VPS13A: variants seen among roughly 807,000 people sequenced by gnomAD.
VPS13A encodes intermembrane lipid transfer protein VPS13A.
A neutral mutation model predicts 390.9 loss-of-function variants in VPS13A; 264 were observed. The observed-to-expected ratio is 0.68, with a 90% CI of 0.61 to 0.75. The LOEUF (loss-of-function observed/expected upper bound fraction) is 0.75, where lower values mean the gene tolerates loss of function less well. Among genes scored for constraint, VPS13A ranks in the 30% least tolerant of loss-of-function variants. The pLI is 0.00. For synonymous variants in VPS13A, 1,231 were observed against 1,227.1 expected, an observed-to-expected ratio of 1.00 and a Z score of -0.07; for missense variants, 3,409 against 3,733.9, an observed-to-expected ratio of 0.91 and a Z score of 2.27.
chr9:77,231,201 G>T (rs574454514), intron 17 of VPS13A, among the ~76,000 whole-genome samples: 5 of 151,984 alleles, frequency 3.3e-5, no homozygotes, highest in East Asian at 1.9e-4. Context: ...CTTCCATTCC[G>T]ATGTGGATGC....
intron 31 of VPS13A, among the ~76,000 whole-genome samples, chr9:77,286,034 G>T (rs1827302943): frequency 6.6e-6 from 1 of 152,146 alleles, no homozygotes; most frequent in African/African-American, 2.4e-5. Flanking sequence ...TGAGATTCAG[G>T]GTTTGGGAGT....
intron 23 of VPS13A, among the ~76,000 whole-genome samples, chr9:77,268,804 G>C (rs562579139): frequency 7.9e-5 from 12 of 152,056 alleles, no homozygotes; most frequent in Admixed American, 6.5e-4. Flanking sequence ...GCCAGGCATG[G>C]TGGTGGGCAT....
chr9:77,317,215 G>T (rs1339315826), intron 39 of VPS13A, among the ~76,000 whole-genome samples: 6 of 152,000 alleles, frequency 3.9e-5, no homozygotes, highest in Non-Finnish European at 7.4e-5. Flanking sequence ...ACTAAGCAAA[G>T]AGAGAGAATA....
At chr9:77,320,531 T>A (rs182624254) in intron 42 of VPS13A, among the ~76,000 whole-genome samples, 93 of 152,218 alleles carry the variant, frequency 6.1e-4, no homozygotes, top group African/African-American at 2.2e-3. Context: ...AGACAGATTT[T>A]CAGTGGCTTA....
At chr9:77,399,788 TTGA>T (rs1366308557) in intron 68 of VPS13A, among the ~76,000 whole-genome samples, 1 of 152,174 alleles carries the variant, frequency 6.6e-6, no homozygotes, top group African/African-American at 2.4e-5. Flanking sequence ...TGTTAATAGA[TTGA>T]TGTGTACCTT....
chr9:77,353,568 G>A lies in VPS13A; in HGVS notation c.7579G>A (p.Ala2527Thr). 2 of 1,613,424 alleles carry A rather than the reference G, an allele frequency of 1.2e-6. No homozygotes were observed. Among genetic ancestry groups the A allele is most frequent in the Non-Finnish European group, 1.7e-6 (2 of 1,179,608 alleles). ...GTTAGCAGAGCAAGAAATTGCAGTG[G>A]CATTACAAGATGTTGGAATTTCTCT... ...AELAEQEIAV[A>T]LQDVGISLVN... Residue 2527 changes from alanine to threonine, a missense_variant, in exon 54 of 72, where the codon GCA becomes ACA. This residue lies in a region of VPS13A where 221 missense variants were observed against 300.7 expected (regional missense o/e 0.73). Transcript: ENST00000360280.
In VPS13A at chr9:77,227,392, T is replaced by C. The variant is rs2131198111; in HGVS notation, c.1359T>C (p.Thr453=). The C allele has an allele frequency of 6.2e-7, 1 of 1,610,948 alleles. No individual in the cohort carries two copies. Among genetic ancestry groups the C allele is most frequent in the Non-Finnish European group, 8.5e-7 (1 of 1,177,618 alleles). ...NEQQPDVQPE[T]LEEMLTPEEK... is the part of the protein sequence containing the mutation. ...AAAGCACTTCTTTCTGATTTGTAGCTCTTGAAGAAATGTTGACACCTGAAG... is the reference window on the plus strand; with the variant it reads ...AAAGCACTTCTTTCTGATTTGTAGCCCTTGAAGAAATGTTGACACCTGAAG... Residue 453 remains threonine, a splice_region_variant and synonymous_variant, in exon 16 of 72, where the codon ACT becomes ACC. Transcript: ENST00000360280.
intron 53 of VPS13A, 42 bp downstream of exon 53, chr9:77,351,488 A>T: frequency 6.2e-7 from 1 of 1,604,330 alleles, no homozygotes; most frequent in Non-Finnish European, 8.5e-7. Flanking sequence ...AGCCTTTTTT[A>T]AAAAAGGTAT....
chr9:77,247,880 AAT>A (rs1380988728), intron 20 of VPS13A, among the ~76,000 whole-genome samples: 1 of 152,142 alleles, frequency 6.6e-6, no homozygotes, highest in African/African-American at 2.4e-5. Flanking sequence ...ACTGGTCTCG[AAT>A]GCCTGTACTG....
At chr9:77,341,266 C>T (rs1202844494) in intron 50 of VPS13A, among the ~76,000 whole-genome samples, 1 of 151,964 alleles carries the variant, frequency 6.6e-6, no homozygotes. Flanking sequence ...CAGGGGGCAA[C>T]GGCAACCCCC....
Position 77,226,583 on chromosome 9 carries a change from G to C in VPS13A, c.1342G>C (p.Asp448His), listed in dbSNP as rs144858653. ...ACAAAATACTAATGAACAGCAACCAGATGTTCAACCTGAAAGTATGTCCAT... is the reference window on the plus strand; with the variant it reads ...ACAAAATACTAATGAACAGCAACCACATGTTCAACCTGAAAGTATGTCCAT... The part of the protein sequence containing the change: ...SEQNTNEQQP[D>H]VQPETLEEML... Residue 448 changes from aspartate to histidine, a missense_variant, in exon 15 of 72, where the codon GAT (aspartate) becomes CAT (histidine). Physicochemically the swap from Asp to His is moderately conservative, Grantham distance 81. Transcript: ENST00000360280. The C allele has an allele frequency of 6.4e-5, 103 of 1,612,412 alleles. No individual in the cohort carries two copies. Among genetic ancestry groups the C allele is most frequent in the Middle Eastern group, 1.6e-4 (1 of 6,066 alleles).
chr9:77,235,776 C>G (rs56385111), intron 17 of VPS13A, among the ~76,000 whole-genome samples: 12,110 of 152,156 alleles, frequency 0.08, 602 homozygotes, highest in East Asian at 0.12. Flanking sequence ...GTCCTGTATT[C>G]AAGTTTGATG....
chr9:77,346,799 A>G (rs1018443948), intron 52 of VPS13A, among the ~76,000 whole-genome samples: 6 of 152,202 alleles, frequency 3.9e-5, no homozygotes, highest in African/African-American at 1.4e-4. Flanking sequence ...CAGAAAGAAG[A>G]CTGGACAAAA....
chr9:77,220,446 C>A, intron 12 of VPS13A, 63 bp downstream of exon 12: 2 of 1,129,582 alleles, frequency 1.8e-6, no homozygotes, highest in South Asian at 1.4e-5. Flanking sequence ...ATAAATTTCT[C>A]GACTTCAAGA....
chr9:77,263,231 C>T (rs1433376718), intron 23 of VPS13A, among the ~76,000 whole-genome samples: 2 of 151,934 alleles, frequency 1.3e-5, no homozygotes, highest in East Asian at 1.9e-4. Flanking sequence ...CTCAGCCTCC[C>T]GAGTAGCTGG....
chr9:77,296,069 A>G (rs1827979788), intron 33 of VPS13A, among the ~76,000 whole-genome samples: 1 of 152,220 alleles, frequency 6.6e-6, no homozygotes, highest in East Asian at 1.9e-4. Context: ...GGTAATTAGG[A>G]AAACTATAAA....
chr9:77,191,205 C>T (rs1468645935), intron 1 of VPS13A, among the ~76,000 whole-genome samples: 1 of 151,914 alleles, frequency 6.6e-6, no homozygotes, highest in Non-Finnish European at 1.5e-5. Flanking sequence ...CTTAAGACTA[C>T]ATTAGCTATG....
intron 39 of VPS13A, 74 bp downstream of exon 39, chr9:77,316,480 A>G (rs1411039265): frequency 8.0e-7 from 1 of 1,255,712 alleles, no homozygotes; most frequent in Non-Finnish European, 1.2e-6. Context: ...AGGAAACAAA[A>G]ACTACCTACA....
intron 46 of VPS13A, among the ~76,000 whole-genome samples, chr9:77,333,153 A>T (rs1335324419): frequency 6.6e-6 from 1 of 152,192 alleles, no homozygotes; most frequent in Non-Finnish European, 1.5e-5. Flanking sequence ...AATTTCTGTG[A>T]AGAACTTTCA....
Sources: gnomAD v4.1 joint callset for allele counts (sites outside exome capture counted in the v4.1 genomes callset) on GRCh38, gnomAD v4.1.1 for gene constraint, gnomAD v4.1.1 regional missense constraint, MANE v1.5 for transcripts, NCBI Gene and HGNC (gene_info 2026-07-23, HGNC 2026-07-21) for gene names.